Variants in BICD1 observed in about 807,000 individuals in gnomAD.
BICD1 encodes protein bicaudal D homolog 1.
A neutral mutation model predicts 92.5 loss-of-function variants in BICD1; 35 were observed. The ratio of observed to expected loss-of-function variants is 0.38; its 90% CI spans 0.29 to 0.50. The LOEUF (loss-of-function observed/expected upper bound fraction) is 0.50. Ranked by LOEUF, BICD1 falls within the 20% of genes least tolerant of loss-of-function variation. BICD1 has a pLI of 0.93. For missense variants in BICD1, 950 were observed against 1,189.8 expected (o/e 0.80, Z 2.97); for synonymous variants, 429 against 465.1 (o/e 0.92, Z 1.00).
At chr12:32,132,952 A>G (rs1260450499) in intron 1 of BICD1, among the ~76,000 whole-genome samples, 1 of 152,152 alleles carries the variant, frequency 6.6e-6, no homozygotes, top group Non-Finnish European at 1.5e-5. Flanking sequence ...TTCAGGGTAT[A>G]TGTTGAAAGA....
Position 32,277,572 on chromosome 12 carries a change from A to C in BICD1, c.427-16422A>C, listed in dbSNP as rs532684937. 2.0e-5 allele frequency among the ~76,000 whole-genome samples: 3 copies of C among 152,354 alleles called. No homozygotes were observed. In the South Asian group the frequency reaches 6.2e-4, roughly 32 times the overall value. On this transcript the variant is annotated intron_variant, in intron 2 of 9. Coordinates refer to ENST00000652176, the MANE Select transcript of BICD1 (RefSeq NM_001714.4). ...GATGGTAAAGGTGTTTTATAGCAACAAAAACAAACAGCTAAGTCAATCCGT... is the reference window on the plus strand; with the variant it reads ...GATGGTAAAGGTGTTTTATAGCAACCAAAACAAACAGCTAAGTCAATCCGT...
Position 32,222,875 on chromosome 12 carries a change from G to A in BICD1, c.426+6416G>A, listed in dbSNP as rs2121575718. ...GGTGCCATCTTGGACGCAGAGAGCA[G>A]CTCTCACCAGACACTGAACCTGCCA... On this transcript the variant is annotated intron_variant, in intron 2 of 9. Transcript: ENST00000652176. Among the ~76,000 whole-genome samples, 2 of 152,240 alleles carry A rather than the reference G, an allele frequency of 1.3e-5. 1 individual carries two copies. Among genetic ancestry groups the A allele is most frequent in the African/African-American group, 4.8e-5 (2 of 41,530 alleles).
In BICD1 at chr12:32,328,626, G is replaced by T; in HGVS notation, c.2100+71G>T. 3.3e-6 allele frequency: 5 copies of T among 1,522,086 alleles called. No individual in the cohort carries two copies. Among genetic ancestry groups the T allele is most frequent in the South Asian group, 1.3e-5 (1 of 75,930 alleles). 94.3% of individuals were successfully genotyped at this position (1,522,086 alleles called of 1,614,324 possible). A position where few individuals can be genotyped will look rare whatever the true frequency, so the allele number is the denominator to read the frequency against. ...AACTAATTTATTCCCTAATTTTATT[G>T]AGTATCGAGTATCGTCAAGATGAGA... On this transcript the variant is annotated intron_variant, in intron 5 of 9. Coordinates refer to ENST00000652176, the MANE Select transcript of BICD1 (RefSeq NM_001714.4). This position sits in a 1 kb window ranked among gnomAD's most constrained non-coding sequence, Gnocchi z 4.4.
chr12:32,172,529 C>T (rs924051827), intron 1 of BICD1, among the ~76,000 whole-genome samples: 1 of 152,180 alleles, frequency 6.6e-6, no homozygotes, highest in African/African-American at 2.4e-5. Context: ...ACCTTGTTCT[C>T]TCTTGCCCCC....
intron 2 of BICD1, among the ~76,000 whole-genome samples, chr12:32,292,188 C>G (rs1054602078): frequency 6.6e-6 from 1 of 152,166 alleles, no homozygotes; most frequent in South Asian, 2.1e-4. Flanking sequence ...AAAGGCCTTT[C>G]CTTGCCCCTT....
intron 2 of BICD1, among the ~76,000 whole-genome samples, chr12:32,224,474 G>A (rs1565599590): frequency 3.9e-5 from 6 of 152,112 alleles, no homozygotes; most frequent in Admixed American, 3.9e-4. Context: ...TATTTCTTTT[G>A]GTTGAAAAGT....
intron 4 of BICD1, among the ~76,000 whole-genome samples, chr12:32,309,714 G>A (rs1019449929): frequency 2.0e-5 from 3 of 152,184 alleles, no homozygotes; most frequent in Non-Finnish European, 4.4e-5. Context: ...TTGGGCGGCT[G>A]TCAGTTTTGC....
At chr12:32,334,305 G>A (rs1168962503) in intron 5 of BICD1, among the ~76,000 whole-genome samples, 2 of 152,060 alleles carry the variant, frequency 1.3e-5, no homozygotes, top group Non-Finnish European at 2.9e-5. Flanking sequence ...GGCTTCTAGG[G>A]CAATTTAACC....
intron 1 of BICD1, among the ~76,000 whole-genome samples, chr12:32,178,216 G>A (rs114639501): frequency 1.3e-5 from 2 of 151,880 alleles, no homozygotes; most frequent in Non-Finnish European, 2.9e-5. Flanking sequence ...ATTTGTCACC[G>A]TCAGAGCTCA....
chr12:32,336,331 C>G (rs1302705262), intron 6 of BICD1, among the ~76,000 whole-genome samples: 1 of 152,192 alleles, frequency 6.6e-6, no homozygotes, highest in African/African-American at 2.4e-5. Flanking sequence ...GAAAAAAGAT[C>G]ACTAAGCTTA....
chr12:32,223,926 T>A (rs926803106), intron 2 of BICD1, among the ~76,000 whole-genome samples: 1 of 152,148 alleles, frequency 6.6e-6, no homozygotes, highest in Non-Finnish European at 1.5e-5. Context: ...TGTTTATGGG[T>A]TAAGTTTGCT....
chr12:32,268,307 C>G (rs1409787586), intron 2 of BICD1, among the ~76,000 whole-genome samples: 1 of 151,986 alleles, frequency 6.6e-6, no homozygotes, highest in Admixed American at 6.6e-5. Context: ...GCATTCCTGC[C>G]CATCAGGGTA....
chr12:32,219,938 A>G (rs201185875), intron 2 of BICD1, among the ~76,000 whole-genome samples: 11,407 of 152,252 alleles, frequency 0.075, 818 homozygotes, highest in East Asian at 0.34. Context: ...AAATAATGCC[A>G]CATATCTACA....
chr12:32,242,302 G>C (rs549737681), intron 2 of BICD1, among the ~76,000 whole-genome samples: 13 of 150,560 alleles, frequency 8.6e-5, no homozygotes, highest in Admixed American at 4.0e-4. Context: ...AAGGCAGGTG[G>C]ATCGCTTGAG....
intron 3 of BICD1, among the ~76,000 whole-genome samples, chr12:32,294,907 C>G (rs573478571): frequency 6.6e-6 from 1 of 151,478 alleles, no homozygotes. Context: ...CATGATGAAA[C>G]CCCGTCTCTA....
chr12:32,323,984 A>C (rs2136249864), intron 4 of BICD1, among the ~76,000 whole-genome samples: 1 of 152,326 alleles, frequency 6.6e-6, no homozygotes, highest in East Asian at 1.9e-4. Context: ...TTGAGAGTTA[A>C]CCTTTTATTT....
At chr12:32,109,710 A>C (rs529713046) in intron 1 of BICD1, 12 of 152,096 alleles carry the variant, frequency 7.9e-5, no homozygotes, top group African/African-American at 2.6e-4. Flanking sequence ...TTAGGTAATA[A>C]AATTATTATA....
At chr12:32,180,116 A>G (rs1944230040) in intron 1 of BICD1, among the ~76,000 whole-genome samples, 2 of 151,740 alleles carry the variant, frequency 1.3e-5, no homozygotes, top group Admixed American at 6.6e-5. Context: ...TTTCTTTTTT[A>G]GACTTTCATT....
At chr12:32,176,526 G>A (rs149148981) in intron 1 of BICD1, among the ~76,000 whole-genome samples, 3 of 152,230 alleles carry the variant, frequency 2.0e-5, no homozygotes, top group Non-Finnish European at 2.9e-5. Context: ...ATCAAGATAC[G>A]AAACATTTGC....
Sources: allele counts gnomAD v4.1 joint callset (sites outside exome capture counted in the v4.1 genomes callset), GRCh38; gene constraint gnomAD v4.1.1; non-coding constraint Gnocchi (gnomAD v3.1); transcripts MANE v1.5; gene names NCBI Gene and HGNC (gene_info 2026-07-23, HGNC 2026-07-21).